Variants in AOPEP observed in about 807,000 individuals in gnomAD.
The protein encoded by AOPEP is aminopeptidase O.
AOPEP carries 77 observed loss-of-function variants against 98.1 expected under a neutral mutation model. The ratio of observed to expected loss-of-function variants is 0.78; its 90% CI spans 0.65 to 0.95. AOPEP has a LOEUF of 0.95. Ranked by LOEUF, AOPEP falls within the 40% of genes least tolerant of loss-of-function variation. The pLI, the probability that AOPEP is intolerant of heterozygous loss-of-function variation, is 0.00. For missense variants in AOPEP, 1,024 were observed against 1,024.7 expected (o/e 1.00, Z 0.01); for synonymous variants, 346 against 365.3 (o/e 0.95, Z 0.60).
At chr9:94,891,318 C>T (rs940363871) in intron 5 of AOPEP, among the ~76,000 whole-genome samples, 18 of 152,092 alleles carry the variant, frequency 1.2e-4, no homozygotes, top group Admixed American at 3.9e-4. Flanking sequence ...TATGTTGTTA[C>T]GCTTGAAGTG....
At chr9:94,967,626 T>G (rs1589114458) in intron 9 of AOPEP, 132 bp from the exon 10 acceptor site, 11 of 683,664 alleles carry the variant, frequency 1.6e-5, no homozygotes, top group Non-Finnish European at 2.9e-5. Flanking sequence ...CTATAGTCTT[T>G]TAAGTCAGCA....
intron 5 of AOPEP, among the ~76,000 whole-genome samples, chr9:94,855,069 A>G (rs932790804): frequency 3.9e-5 from 6 of 152,054 alleles, no homozygotes; most frequent in South Asian, 2.1e-4. Flanking sequence ...TAGAATTAGC[A>G]TATTTTATTT....
chr9:95,010,135 G>A (rs1414029026), intron 13 of AOPEP, among the ~76,000 whole-genome samples: 1 of 151,878 alleles, frequency 6.6e-6, no homozygotes, highest in African/African-American at 2.4e-5. Context: ...AGCGTTTATT[G>A]TTCCTTTTAA....
At chr9:94,812,160 G>A (rs901589477) in intron 5 of AOPEP, among the ~76,000 whole-genome samples, 1 of 152,064 alleles carries the variant, frequency 6.6e-6, no homozygotes, top group Non-Finnish European at 1.5e-5. Context: ...TTAGGACCAC[G>A]TGCACATCTT....
chr9:95,031,146 A>G (rs1048672598), intron 13 of AOPEP, among the ~76,000 whole-genome samples: 6 of 152,196 alleles, frequency 3.9e-5, no homozygotes, highest in East Asian at 3.9e-4. Flanking sequence ...GCACCCCCAC[A>G]TGACATGAGC....
the AOPEP span, chr9:95,101,657 C>T: frequency 1.2e-6 from 2 of 1,609,906 alleles, no homozygotes; most frequent in Non-Finnish European, 1.7e-6. Context: ...TCCTGTGGCC[C>T]TGGCGAGCCT....
chr9:95,057,787 C>T (rs1468119418), intron 13 of AOPEP, among the ~76,000 whole-genome samples: 2 of 152,102 alleles, frequency 1.3e-5, no homozygotes, highest in Admixed American at 6.5e-5. Context: ...GCCAGGTGGC[C>T]GCAGGTTGTT....
chr9:94,894,234 A>G (rs2049211711), intron 5 of AOPEP, among the ~76,000 whole-genome samples: 1 of 152,208 alleles, frequency 6.6e-6, no homozygotes, highest in Admixed American at 6.5e-5. Context: ...ATTAATTAGA[A>G]GATATGAGAG....
chr9:94,753,578 C>T (rs181590896), intron 1 of AOPEP, among the ~76,000 whole-genome samples: 4 of 151,912 alleles, frequency 2.6e-5, no homozygotes, highest in Admixed American at 6.6e-5. Context: ...AAATCATGGG[C>T]GATAGAAAAC....
the AOPEP span, among the ~76,000 whole-genome samples, chr9:95,121,951 G>A: frequency 1.1e-3 from 173 of 150,734 alleles, no homozygotes; most frequent in African/African-American, 3.9e-3. Flanking sequence ...TCCGCCTCCC[G>A]GGTTCATGCC....
chr9:95,087,904 G>A (rs1171570215), downstream of AOPEP, among the ~76,000 whole-genome samples: 1 of 152,180 alleles, frequency 6.6e-6, no homozygotes, highest in African/African-American at 2.4e-5. Context: ...GGCTCCAGGG[G>A]GCAGCACAAA....
At chr9:95,024,779 A>G (rs1462623493) in intron 13 of AOPEP, among the ~76,000 whole-genome samples, 1 of 151,854 alleles carries the variant, frequency 6.6e-6, no homozygotes, top group Non-Finnish European at 1.5e-5. Flanking sequence ...TGCTTCCTCT[A>G]CTCTTCCACA....
At chr9:94,737,135 T>C (rs1214174749) in intron 1 of AOPEP, among the ~76,000 whole-genome samples, 1 of 148,820 alleles carries the variant, frequency 6.7e-6, no homozygotes, top group Admixed American at 6.7e-5. Context: ...TTCTTTCTTC[T>C]TTTTTTTTCT....
intron 1 of AOPEP, among the ~76,000 whole-genome samples, chr9:94,746,163 A>G (rs1238797627): frequency 6.6e-6 from 1 of 152,194 alleles, no homozygotes; most frequent in Non-Finnish European, 1.5e-5. Context: ...CACCACCCTG[A>G]ATCCAGCCAG....
downstream of AOPEP, among the ~76,000 whole-genome samples, chr9:95,087,385 A>G (rs2070782592): frequency 1.4e-5 from 2 of 139,740 alleles, no homozygotes; most frequent in Non-Finnish European, 3.1e-5. Flanking sequence ...CGGGAGACTG[A>G]GGCAGGAGAA....
chr9:94,905,956 C>A (rs967866049), intron 5 of AOPEP, among the ~76,000 whole-genome samples: 7 of 152,280 alleles, frequency 4.6e-5, no homozygotes, highest in African/African-American at 1.7e-4. Flanking sequence ...AATGCAGATC[C>A]AAACATGACC....
the AOPEP span, chr9:95,145,589 A>G: frequency 2.0e-5 from 3 of 152,212 alleles, no homozygotes; most frequent in Non-Finnish European, 4.4e-5. Flanking sequence ...ACTAATAACA[A>G]CCCTAGTAAA....
At chr9:94,737,810 A>C (rs1341602215) in intron 1 of AOPEP, among the ~76,000 whole-genome samples, 1 of 152,066 alleles carries the variant, frequency 6.6e-6, no homozygotes, top group Non-Finnish European at 1.5e-5. Context: ...TTGGTTGGGG[A>C]TATAGGGAGT....
chr9:94,797,181 C>T (rs1300083004), intron 4 of AOPEP, among the ~76,000 whole-genome samples: 1 of 152,208 alleles, frequency 6.6e-6, no homozygotes, highest in Non-Finnish European at 1.5e-5. Context: ...CGCCATTAAT[C>T]CCAGCAATTT....
Sources: allele counts gnomAD v4.1 joint callset (sites outside exome capture counted in the v4.1 genomes callset), GRCh38; gene constraint gnomAD v4.1.1; transcripts MANE v1.5; gene names NCBI Gene and HGNC (gene_info 2026-07-23, HGNC 2026-07-21).